Variants in NKAIN2 observed in about 807,000 individuals in gnomAD.
NKAIN2 encodes the protein sodium/potassium-transporting ATPase subunit beta-1-interacting protein 2.
NKAIN2 carries 14 observed loss-of-function variants against 32.6 expected under a neutral mutation model. That is an observed-to-expected ratio of 0.43 (90% CI 0.28 to 0.67). NKAIN2 has a LOEUF of 0.67. NKAIN2 is among the 30% of genes least tolerant of loss of function. The pLI, the probability that NKAIN2 is intolerant of heterozygous loss-of-function variation, is 0.17. For missense variants in NKAIN2, 198 were observed against 258.3 expected (o/e 0.77, Z 1.60); for synonymous variants, 80 against 87.2 (o/e 0.92, Z 0.46).
At chr6:124,742,143 T>C (rs1777243097) in intron 4 of NKAIN2, among the ~76,000 whole-genome samples, 1 of 151,888 alleles carries the variant, frequency 6.6e-6, no homozygotes, top group Non-Finnish European at 1.5e-5. Flanking sequence ...ATTTAGGTAA[T>C]GTGCTTGTTA....
intron 1 of NKAIN2, among the ~76,000 whole-genome samples, chr6:124,176,288 A>G (rs1049636739): frequency 5.3e-5 from 8 of 152,180 alleles, no homozygotes; most frequent in Admixed American, 3.9e-4. Flanking sequence ...TCGATTTGTA[A>G]AAAAATGCAT....
chr6:124,664,940 G>T (rs1454740577), intron 4 of NKAIN2, among the ~76,000 whole-genome samples: 1 of 145,624 alleles, frequency 6.9e-6, no homozygotes, highest in Non-Finnish European at 1.5e-5. Flanking sequence ...TTAAATAAAA[G>T]AAGGTGAATT....
intron 6 of NKAIN2, among the ~76,000 whole-genome samples, 174 bp from the exon 7 acceptor site, chr6:124,823,046 A>C (rs1163179431): frequency 6.6e-6 from 1 of 152,194 alleles, no homozygotes; most frequent in African/African-American, 2.4e-5. Flanking sequence ...CTATCCCTGC[A>C]ATTGCCATGA....
chr6:123,904,092 G>T (rs1045419333), intron 1 of NKAIN2, among the ~76,000 whole-genome samples: 1 of 151,982 alleles, frequency 6.6e-6, no homozygotes, highest in Non-Finnish European at 1.5e-5. Flanking sequence ...TCAGCCAGAC[G>T]TGGTGGTGCA....
chr6:124,086,710 T>C (rs75298079), intron 1 of NKAIN2, among the ~76,000 whole-genome samples: 2,947 of 151,954 alleles, frequency 0.019, 87 homozygotes, highest in African/African-American at 0.064. Context: ...ATGAGCCAAA[T>C]GCATGAAAGA....
chr6:124,178,567 G>T (rs992616614), intron 1 of NKAIN2, among the ~76,000 whole-genome samples: 1 of 152,118 alleles, frequency 6.6e-6, no homozygotes, highest in Non-Finnish European at 1.5e-5. Flanking sequence ...AAAGTGCTGG[G>T]ATTACAGGCA....
chr6:124,764,128 G>A (rs768683524), intron 4 of NKAIN2, among the ~76,000 whole-genome samples: 1 of 152,058 alleles, frequency 6.6e-6, no homozygotes, highest in Non-Finnish European at 1.5e-5. Flanking sequence ...TTTTTAATTT[G>A]TAGGTTCTTA....
At chr6:124,309,739 A>G (rs1796643429) in intron 2 of NKAIN2, among the ~76,000 whole-genome samples, 1 of 152,138 alleles carries the variant, frequency 6.6e-6, no homozygotes, top group African/African-American at 2.4e-5. Context: ...CATTTCAGTC[A>G]CAACAGTCTG....
intron 1 of NKAIN2, among the ~76,000 whole-genome samples, chr6:123,845,686 G>A (rs564051451): frequency 1.3e-5 from 2 of 152,300 alleles, no homozygotes; most frequent in South Asian, 4.1e-4. Flanking sequence ...TTGTAGGTCC[G>A]ACTGTAGGAC....
chr6:124,374,372 T>C (rs1298372987), intron 3 of NKAIN2, among the ~76,000 whole-genome samples: 1 of 152,126 alleles, frequency 6.6e-6, no homozygotes, highest in East Asian at 1.9e-4. Flanking sequence ...GACATTAATT[T>C]TCTAATAATG....
At chr6:124,323,810 C>T (rs189448511) in intron 2 of NKAIN2, among the ~76,000 whole-genome samples, 1,933 of 121,798 alleles carry the variant, frequency 0.016, 53 homozygotes, top group African/African-American at 0.062. Context: ...TTTTCTGAGA[C>T]GGAGTCTCGC....
At chr6:124,331,581 G>A (rs543893589) in intron 2 of NKAIN2, among the ~76,000 whole-genome samples, 1 of 148,730 alleles carries the variant, frequency 6.7e-6, no homozygotes, top group African/African-American at 2.5e-5. Flanking sequence ...CACTATTAAA[G>A]TACCAATAAT....
At chr6:123,900,623 T>C (rs2114413486) in intron 1 of NKAIN2, among the ~76,000 whole-genome samples, 1 of 140,334 alleles carries the variant, frequency 7.1e-6, no homozygotes, top group Non-Finnish European at 1.5e-5. Context: ...TACAATCTGG[T>C]TAACCCCCCG....
At chr6:124,393,074 A>T (rs1356263495) in intron 3 of NKAIN2, among the ~76,000 whole-genome samples, 1 of 152,066 alleles carries the variant, frequency 6.6e-6, no homozygotes, top group Non-Finnish European at 1.5e-5. Flanking sequence ...TTCTTGTCAG[A>T]TTGTTGTTAT....
chr6:123,891,925 T>A (rs1156450224), intron 1 of NKAIN2, among the ~76,000 whole-genome samples: 1 of 152,194 alleles, frequency 6.6e-6, no homozygotes, highest in African/African-American at 2.4e-5. Context: ...ATAAACTACA[T>A]AAAAGAGTGA....
intron 1 of NKAIN2, among the ~76,000 whole-genome samples, chr6:123,904,596 C>T (rs781272756): frequency 3.3e-5 from 5 of 152,112 alleles, no homozygotes; most frequent in Non-Finnish European, 7.4e-5. Flanking sequence ...ATGTTTTTCT[C>T]CAAAAGTGTT....
Position 124,771,361 on chromosome 6 carries a change from C to CA in NKAIN2, c.475-19971dup, listed in dbSNP as rs1327075693. ...AATCTCATTTGGAATAATATACCCT[C>CA]AAAAAAATTGATAATTGAACCAACA... On this transcript the variant is annotated intron_variant, in intron 4 of 6. Transcript: ENST00000368417. Among the ~76,000 whole-genome samples the CA allele has an allele frequency of 2.0e-5, 3 of 151,964 alleles. No individual in the cohort carries two copies. In the East Asian group the frequency reaches 5.8e-4, roughly 29 times the overall value.
intron 1 of NKAIN2, among the ~76,000 whole-genome samples, chr6:124,051,303 T>C (rs1375593735): frequency 2.0e-5 from 3 of 152,032 alleles, no homozygotes; most frequent in Non-Finnish European, 4.4e-5. Flanking sequence ...TGTGTTAAAA[T>C]GATTATTACT....
At chr6:124,728,825 A>G (rs1219193711) in intron 4 of NKAIN2, among the ~76,000 whole-genome samples, 3 of 151,064 alleles carry the variant, frequency 2.0e-5, no homozygotes, top group Non-Finnish European at 4.4e-5. Context: ...ACTAATAAAG[A>G]AAAAAAGAGA....
Sources: allele counts gnomAD v4.1 joint callset (sites outside exome capture counted in the v4.1 genomes callset), GRCh38; gene constraint gnomAD v4.1.1; transcripts MANE v1.5; gene names NCBI Gene and HGNC (gene_info 2026-07-23, HGNC 2026-07-21).